The following AKAP10 variants were observed in gnomAD, a reference collection of about 807,000 sequenced individuals.
AKAP10 encodes A-kinase anchor protein 10, mitochondrial.
In AKAP10, 24 loss-of-function variants were observed where a neutral mutation model predicts 80.8. The ratio of observed to expected loss-of-function variants is 0.30; its 90% CI spans 0.22 to 0.42. AKAP10 has a LOEUF of 0.42. Ranked by LOEUF, AKAP10 falls within the 10% of genes least tolerant of loss-of-function variation. The probability of loss-of-function intolerance (pLI) is 1.00; values close to 1 mark genes in which losing one functional copy is unlikely to be tolerated. For missense variants in AKAP10, 661 were observed against 794.9 expected (o/e 0.83, Z 2.03); for synonymous variants, 291 against 277.7 (o/e 1.05, Z -0.48).
intron 4 of AKAP10, among the ~76,000 whole-genome samples, chr17:19,956,737 A>T (rs899642221): frequency 2.6e-5 from 4 of 151,990 alleles, no homozygotes; most frequent in Non-Finnish European, 4.4e-5. Flanking sequence ...AGGTGTGGTG[A>T]TTCATGCCTG....
intron 4 of AKAP10, among the ~76,000 whole-genome samples, chr17:19,951,914 T>TAAAAAAAAAAAAAAAAAAAA (rs759583171): frequency 1.2e-5 from 1 of 86,036 alleles, no homozygotes; most frequent in Non-Finnish European, 2.4e-5. Context: ...AAATAAGAAT[T>TAAAAAAAAAAAAAAAAAAAA]AAAAAAAAAA....
chr17:19,911,569 T>C (rs2042689919), intron 12 of AKAP10, among the ~76,000 whole-genome samples: 1 of 152,046 alleles, frequency 6.6e-6, no homozygotes, highest in African/African-American at 2.4e-5. Context: ...CTGGGCGCGG[T>C]GGCTCACGCC....
At chr17:19,909,818 C>T in intron 13 of AKAP10, 108 bp downstream of exon 13, 4 of 895,606 alleles carry the variant, frequency 4.5e-6, no homozygotes, top group East Asian at 2.6e-5. Flanking sequence ...CATAAATGTG[C>T]CATGCTGCTT....
chr17:19,955,498 GC>G (rs1456379545), intron 4 of AKAP10, among the ~76,000 whole-genome samples: 1 of 152,126 alleles, frequency 6.6e-6, no homozygotes, highest in Non-Finnish European at 1.5e-5. Context: ...TAACTCCACT[GC>G]TATTTCTATT....
Position 19,920,021 on chromosome 17 carries a change from A to G in AKAP10, c.1834+15T>C. The G allele has an allele frequency of 6.2e-7, 1 of 1,603,268 alleles. No individual in the cohort carries two copies. The highest frequency in any genetic ancestry group is 8.5e-7 in the Non-Finnish European group (1 of 1,171,108). ...TGAGTAAAGGCTTAATATGAAGTAT[A>G]AAAACACCACAAACCTTTTGATTTC... On this transcript the variant is annotated intron_variant, in intron 12 of 14. Transcript: ENST00000225737.
At chr17:19,941,053 A>G (rs768318864) in intron 6 of AKAP10, 43 bp from the exon 7 acceptor site, 3 of 1,574,940 alleles carry the variant, frequency 1.9e-6, no homozygotes, top group Admixed American at 2.0e-5. Context: ...ACGACCAAGG[A>G]AAGAGTTTAA....
At chr17:19,958,614 A>G (rs2152417752) in intron 3 of AKAP10, 43 bp from the exon 4 acceptor site, 3 of 1,515,928 alleles carry the variant, frequency 2.0e-6, no homozygotes, top group South Asian at 2.5e-5. Flanking sequence ...AGCAACAAAT[A>G]ATTTCAGATT....
intron 1 of AKAP10, among the ~76,000 whole-genome samples, chr17:19,972,772 C>G (rs1039382810): frequency 2.6e-5 from 4 of 152,082 alleles, no homozygotes; most frequent in Admixed American, 2.6e-4. Flanking sequence ...TAAGTTTTAA[C>G]GTAGTCAAAT....
chr17:19,910,029 T>A, intron 12 of AKAP10, 51 bp from the exon 13 acceptor site: 1 of 1,576,278 alleles, frequency 6.3e-7, no homozygotes, highest in African/African-American at 1.3e-5. Flanking sequence ...AATTTTACAT[T>A]AAAAATGCTC....
At position 19,949,781 on chromosome 17, in the gene AKAP10, GAAA is replaced by G. The variant is rs35398779; in HGVS notation, c.878-2279_878-2277del. Among the ~76,000 whole-genome samples the G allele has an allele frequency of 4.0e-3, 474 of 117,210 alleles. 1 individual carries two copies. Among genetic ancestry groups the G allele is most frequent in the African/African-American group, 0.013 (447 of 34,942 alleles). 76.9% of individuals were successfully genotyped at this position (117,210 alleles called of 152,430 possible). The stretch of plus-strand genomic sequence containing the variant: ...GAGACTCTGTCTCAAAAAAAAAAGA[GAAA>G]AAAAAAAAAAAACGGTGTTATTAAA... On this transcript the variant is annotated intron_variant, in intron 4 of 14. Transcript: ENST00000225737.
intron 1 of AKAP10, among the ~76,000 whole-genome samples, chr17:19,976,091 T>C (rs961094895): frequency 2.6e-5 from 4 of 152,206 alleles, no homozygotes; most frequent in African/African-American, 9.6e-5. Context: ...AATTCTCAGC[T>C]GACAGAAGAC....
intron 11 of AKAP10, among the ~76,000 whole-genome samples, chr17:19,921,948 C>T (rs1200896247): frequency 6.6e-6 from 1 of 152,058 alleles, no homozygotes; most frequent in African/African-American, 2.4e-5. Context: ...CCAAAACTCA[C>T]TGTGAATGAA....
intron 12 of AKAP10, among the ~76,000 whole-genome samples, chr17:19,911,301 C>T (rs2042687128): frequency 6.6e-6 from 1 of 152,156 alleles, no homozygotes; most frequent in Admixed American, 6.6e-5. Flanking sequence ...ACTCAATCTA[C>T]CTTCCCAATT....
rs536705234 is a variant in AKAP10 at position 19,970,691 on chromosome 17, C to T, written c.89-2230G>A. Among the ~76,000 whole-genome samples the T allele has an allele frequency of 4.6e-5, 7 of 152,162 alleles. No individual in the cohort carries two copies. The East Asian group carries it at 9.7e-4, about 21-fold the overall frequency. On this transcript the variant is annotated intron_variant, in intron 1 of 14. Transcript: ENST00000225737. ...CACAAGAATTAGCAGGGTGTGGTGG[C>T]GGGTACCTGTAGTCCCAGCTACTTA... is the stretch of plus-strand genomic sequence containing the variant.
At chr17:19,907,314 C>T (rs567605025) in intron 14 of AKAP10, among the ~76,000 whole-genome samples, 3 of 152,042 alleles carry the variant, frequency 2.0e-5, no homozygotes, top group South Asian at 2.1e-4. Flanking sequence ...CTACCACGCC[C>T]GGCCCCCATT....
At chr17:19,917,817 G>C (rs1212011748) in intron 12 of AKAP10, among the ~76,000 whole-genome samples, 1 of 152,032 alleles carries the variant, frequency 6.6e-6, no homozygotes, top group African/African-American at 2.4e-5. Flanking sequence ...CAGCTACTTG[G>C]GAGGCTGAGG....
chr17:19,921,556 C>A (rs1429802064), intron 11 of AKAP10, among the ~76,000 whole-genome samples: 1 of 151,884 alleles, frequency 6.6e-6, no homozygotes, highest in Non-Finnish European at 1.5e-5. Flanking sequence ...AAAATGTAGG[C>A]CAGGCATGGT....
intron 2 of AKAP10, among the ~76,000 whole-genome samples, chr17:19,965,425 C>CA (rs2043404547): frequency 6.6e-6 from 1 of 152,208 alleles, no homozygotes; most frequent in South Asian, 2.1e-4. Context: ...ACCATACTTA[C>CA]AGCATCAATA....
At chr17:19,918,209 A>G (rs2042769813) in intron 12 of AKAP10, among the ~76,000 whole-genome samples, 1 of 149,844 alleles carries the variant, frequency 6.7e-6, no homozygotes, top group Non-Finnish European at 1.5e-5. Flanking sequence ...CGACACAGCA[A>G]GACTCCGTCT....
Sources: gnomAD v4.1 joint callset for allele counts (sites outside exome capture counted in the v4.1 genomes callset) on GRCh38, gnomAD v4.1.1 for gene constraint, MANE v1.5 for transcripts, NCBI Gene and HGNC (gene_info 2026-07-23, HGNC 2026-07-21) for gene names.